The following CEACAM21 variants were observed in gnomAD, a reference collection of about 807,000 sequenced individuals.
The protein encoded by CEACAM21 is cell adhesion molecule CEACAM21.
In CEACAM21, 38 loss-of-function variants were observed where a neutral mutation model predicts 33.2. The observed-to-expected ratio is 1.14, with a 90% CI of 0.88 to 1.50. The LOEUF is 1.50. Ranked by LOEUF, CEACAM21 falls within the 40% of genes most tolerant of loss-of-function variation. The pLI, the probability that CEACAM21 is intolerant of heterozygous loss-of-function variation, is 0.00. For missense variants in CEACAM21, 385 were observed against 364.6 expected, an observed-to-expected ratio of 1.06 and a Z score of -0.46; for synonymous variants, 156 against 143.0, an observed-to-expected ratio of 1.09 and a Z score of -0.65.
At chr19:41,570,065 C>T (rs1216722248) in intron 2 of CEACAM21, among the ~76,000 whole-genome samples, 3 of 152,164 alleles carry the variant, frequency 2.0e-5, no homozygotes, top group Non-Finnish European at 2.9e-5. Flanking sequence ...AGCCTCCAGG[C>T]GGCAGTCACC....
At position 41,557,370 on chromosome 19, in the gene CEACAM21, C is replaced by T. The variant is rs1248098845; in HGVS notation, c.-778-7312C>T. On this transcript the variant is annotated intron_variant, in intron 1 of 7. Coordinates refer to the CEACAM21 transcript ENST00000407170. ...TCAGAAAATTCAGAGCTTATATCTC[C>T]TAATCCAGTTTTACCCCAAGCCTTT... Among the ~76,000 whole-genome samples the T allele has an allele frequency of 2.0e-5, 3 of 152,134 alleles. No homozygotes were observed. The East Asian group carries it at 5.8e-4, about 29-fold the overall frequency.
chr19:41,577,648 C>T, intron 2 of CEACAM21, 89 bp downstream of exon 2: 10 of 1,567,290 alleles, frequency 6.4e-6, no homozygotes, highest in Non-Finnish European at 7.8e-6. Context: ...GCCTGCATCC[C>T]CCTCTGCATT....
In CEACAM21 at chr19:41,579,569, GTGAGGTCTCCAACCCAGTCAGC is replaced by G. The variant is rs1234187371; in HGVS notation, c.643_664del (p.Glu215ProfsTer9). ...CAGGAGGACGCTGGGGAGTATCAGT[GTGAGGTCTCCAACCCAGTCAGC>G]TCCAACAGGAGCGACCCCCTCAAGC... On this transcript the variant is annotated frameshift_variant, in exon 3 of 7. Transcript: ENST00000401445. LOFTEE classifies it high-confidence loss of function. 6.2e-7 allele frequency: 1 copy of G among 1,600,456 alleles called. No homozygotes were observed. Among genetic ancestry groups the G allele is most frequent in the Non-Finnish European group, 8.5e-7 (1 of 1,173,256 alleles).
chr19:41,549,923 T>C (rs2041118343), intron 1 of CEACAM21, among the ~76,000 whole-genome samples: 1 of 152,240 alleles, frequency 6.6e-6, no homozygotes. Flanking sequence ...TCCATGGACT[T>C]GCTTATTTCC....
chr19:41,579,727 C>T (rs2043234464), intron 3 of CEACAM21, 99 bp downstream of exon 3: 7 of 861,436 alleles, frequency 8.1e-6, no homozygotes, highest in Admixed American at 2.9e-5. Context: ...GATGAGATTC[C>T]TTCAGAGCCT....
chr19:41,578,259 CTCTGGACCGCTCCT>C (rs2043104506), intron 2 of CEACAM21, among the ~76,000 whole-genome samples: 1 of 151,748 alleles, frequency 6.6e-6, no homozygotes, highest in Non-Finnish European at 1.5e-5. Context: ...AGAAAAGACA[CTCTGGACCGCTCCT>C]TCTCCACCAG....
chr19:41,553,513 G>A (rs982798943), intron 1 of CEACAM21, among the ~76,000 whole-genome samples: 1 of 152,036 alleles, frequency 6.6e-6, no homozygotes, highest in African/African-American at 2.4e-5. Flanking sequence ...TTTTCACATA[G>A]GCTTTTAAAA....
chr19:41,550,623 TAGCCGGGTGTGGTGGCGCATGCCTG>T (rs2041148801), intron 1 of CEACAM21: 1 of 151,924 alleles, frequency 6.6e-6, no homozygotes, highest in African/African-American at 2.4e-5. Flanking sequence ...ATACGAAAAT[TAGCCGGGTGTGGTGGCGCATGCCTG>T]TAATCCCAGC....
At chr19:41,561,205 G>A (rs2041862459) in intron 1 of CEACAM21, among the ~76,000 whole-genome samples, 1 of 152,122 alleles carries the variant, frequency 6.6e-6, no homozygotes, top group Non-Finnish European at 1.5e-5. Context: ...ACCTCATTAT[G>A]TTGCCCAGGC....
upstream of CEACAM21, among the ~76,000 whole-genome samples, chr19:41,571,340 T>A (rs2042601421): frequency 6.6e-6 from 1 of 152,180 alleles, no homozygotes; most frequent in African/African-American, 2.4e-5. Context: ...AGAAGGCATG[T>A]TTAGAGATGA....
At chr19:41,568,837 A>G (rs1379008726) in intron 2 of CEACAM21, among the ~76,000 whole-genome samples, 1 of 152,240 alleles carries the variant, frequency 6.6e-6, no homozygotes, top group Non-Finnish European at 1.5e-5. Context: ...TCTTCGAAGA[A>G]TATCATTGGT....
chr19:41,557,121 G>A (rs1265856059), intron 1 of CEACAM21, among the ~76,000 whole-genome samples: 1 of 152,158 alleles, frequency 6.6e-6, no homozygotes, highest in African/African-American at 2.4e-5. Flanking sequence ...CATTTAAGAA[G>A]TAGGTATTTT....
intron 2 of CEACAM21, among the ~76,000 whole-genome samples, chr19:41,568,072 G>A (rs1256857309): frequency 6.6e-6 from 1 of 152,026 alleles, no homozygotes; most frequent in African/African-American, 2.4e-5. Flanking sequence ...GGCCTTTGAG[G>A]ATGGGACTGT....
chr19:41,584,980 C>G (rs1291147973), intron 4 of CEACAM21, among the ~76,000 whole-genome samples: 2 of 152,202 alleles, frequency 1.3e-5, no homozygotes, highest in Non-Finnish European at 2.9e-5. Context: ...AGACAGAAGA[C>G]AAGATCATTG....
chr19:41,584,966 G>A (rs1290729498), intron 4 of CEACAM21, among the ~76,000 whole-genome samples: 1 of 152,216 alleles, frequency 6.6e-6, no homozygotes, highest in Non-Finnish European at 1.5e-5. Flanking sequence ...TTGCCAAAGG[G>A]CAGAGACAGA....
intron 2 of CEACAM21, among the ~76,000 whole-genome samples, chr19:41,567,602 C>G (rs2042347995): frequency 1.3e-5 from 2 of 152,176 alleles, no homozygotes; most frequent in Admixed American, 1.3e-4. Context: ...GTTTGTTGCA[C>G]ATTTTAGGAT....
intron 6 of CEACAM21, chr19:41,586,186 C>G: frequency 1.7e-6 from 1 of 578,538 alleles, no homozygotes; most frequent in South Asian, 1.9e-5. Flanking sequence ...CAGCTGCTCT[C>G]ATCTATGAGG....
chr19:41,555,870 C>T (rs889644105), intron 1 of CEACAM21, among the ~76,000 whole-genome samples: 1 of 152,208 alleles, frequency 6.6e-6, no homozygotes, highest in East Asian at 1.9e-4. Context: ...TTTATTGCAA[C>T]GGCTCTCAGC....
chr19:41,555,104 G>A (rs184916939), intron 1 of CEACAM21: 1 of 152,094 alleles, frequency 6.6e-6, no homozygotes, highest in East Asian at 1.9e-4. Flanking sequence ...CCACAAGTGA[G>A]TATTTCCTGC....
Sources: gnomAD v4.1 joint callset for allele counts (sites outside exome capture counted in the v4.1 genomes callset) on GRCh38, gnomAD v4.1.1 for gene constraint, MANE v1.5 for transcripts, NCBI Gene and HGNC (gene_info 2026-07-23, HGNC 2026-07-21) for gene names.